Variants in NPAS3 observed in about 807,000 individuals in gnomAD.
NPAS3 encodes the protein neuronal PAS domain protein 3.
Under a neutral mutation model 73.1 loss-of-function variants are expected in NPAS3, and 14 were observed. The observed-to-expected ratio is 0.19, with a 90% CI of 0.13 to 0.30. NPAS3 has a LOEUF of 0.30. NPAS3 is among the 10% of genes least tolerant of loss of function. NPAS3 has a pLI of 1.00. For synonymous variants in NPAS3, 620 were observed against 541.5 expected (o/e 1.14, Z -2.01); for missense variants, 1,096 against 1,250.0 (o/e 0.88, Z 1.86).
At chr14:33,036,457 G>A (rs2040172263) in intron 1 of NPAS3, among the ~76,000 whole-genome samples, 1 of 152,072 alleles carries the variant, frequency 6.6e-6, no homozygotes, top group African/African-American at 2.4e-5. Flanking sequence ...GAGGGAAATG[G>A]ACACCTAAAG....
At chr14:33,348,743 A>T (rs1490364984) in intron 3 of NPAS3, among the ~76,000 whole-genome samples, 3 of 127,938 alleles carry the variant, frequency 2.3e-5, no homozygotes, top group Non-Finnish European at 4.9e-5. Flanking sequence ...TCCCGTTCAC[A>T]TCTGTGCAGT....
chr14:33,382,240 G>GA lies in NPAS3; in HGVS notation c.468+14982dup, dbSNP rs751183722. On this transcript the variant is annotated intron_variant, in intron 4 of 11. Coordinates refer to ENST00000356141, the Ensembl canonical transcript of NPAS3. ...ATAACTGCTTACAATTCATTGCATT[G>GA]AAAAAAAAAATCCAGGTTTTATTTT... 2.6e-3 allele frequency among the ~76,000 whole-genome samples: 382 copies of GA among 148,740 alleles called. 3 individuals are homozygous for GA. Among genetic ancestry groups the GA allele is most frequent in the African/African-American group, 7.2e-3 (291 of 40,544 alleles).
At chr14:33,507,022 A>AC (rs2052797849) in intron 4 of NPAS3, among the ~76,000 whole-genome samples, 2 of 151,942 alleles carry the variant, frequency 1.3e-5, no homozygotes, top group South Asian at 4.2e-4. Flanking sequence ...TTGGAAAAAA[A>AC]AAAATTGTAT....
At chr14:33,251,957 G>A (rs1414964899) in intron 3 of NPAS3, among the ~76,000 whole-genome samples, 1 of 151,698 alleles carries the variant, frequency 6.6e-6, no homozygotes. Flanking sequence ...CGTTGTCTAC[G>A]TTTACTTCTT....
At chr14:33,598,370 A>G (rs2057305901) in intron 5 of NPAS3, among the ~76,000 whole-genome samples, 1 of 152,078 alleles carries the variant, frequency 6.6e-6, no homozygotes, top group South Asian at 2.1e-4. Context: ...TTTGTACCTG[A>G]TATTTTTGGT....
At chr14:33,105,851 G>C (rs2042708494) in intron 2 of NPAS3, among the ~76,000 whole-genome samples, 1 of 152,160 alleles carries the variant, frequency 6.6e-6, no homozygotes, top group Non-Finnish European at 1.5e-5. Flanking sequence ...TTGATGGGTT[G>C]ACATGGCTGA....
chr14:33,785,432 C>CT (rs2063140250), intron 9 of NPAS3, among the ~76,000 whole-genome samples: 1 of 87,286 alleles, frequency 1.1e-5, no homozygotes, highest in African/African-American at 4.9e-5. Context: ...GAGACTCCAT[C>CT]TCAAAAAAAA....
At chr14:33,233,363 A>G (rs2047922482) in intron 3 of NPAS3, among the ~76,000 whole-genome samples, 1 of 152,178 alleles carries the variant, frequency 6.6e-6, no homozygotes, top group Non-Finnish European at 1.5e-5. Flanking sequence ...GACTGGAAGT[A>G]CTTTTAACTA....
At chr14:33,696,525 A>T in intron 6 of NPAS3, among the ~76,000 whole-genome samples, 1 of 152,186 alleles carries the variant, frequency 6.6e-6, no homozygotes, top group East Asian at 1.9e-4. Flanking sequence ...ATAGTGCAGC[A>T]TTATTCTTTG....
chr14:33,740,293 T>A (rs2061624248), intron 7 of NPAS3, among the ~76,000 whole-genome samples: 1 of 152,234 alleles, frequency 6.6e-6, no homozygotes, highest in African/African-American at 2.4e-5. Context: ...TAAAGTCAGA[T>A]AAATGGTAAA....
At chr14:33,303,167 T>G (rs956850971) in intron 3 of NPAS3, among the ~76,000 whole-genome samples, 1 of 152,114 alleles carries the variant, frequency 6.6e-6, no homozygotes, top group African/African-American at 2.4e-5. Flanking sequence ...GAAAATAGTG[T>G]GGTAAAATTT....
Position 33,147,730 on chromosome 14 carries a change from A to AAAAAATATATATATATATAT in NPAS3, c.141-67451_141-67450insAAAATATATATATATATATA, listed in dbSNP as rs372663411. 9.2e-4 allele frequency among the ~76,000 whole-genome samples: 120 copies of AAAAAATATATATATATATAT among 130,298 alleles called. 1 individual carries two copies. The highest frequency in any genetic ancestry group is 3.7e-3 in the African/African-American group (114 of 30,852). The allele number at this position is 130,298 out of a possible 152,430, so 85.5% of individuals were successfully genotyped here. The stretch of plus-strand genomic sequence containing the variant: ...CCCTAGAACTTAAAGTAGAATAAAA[A>AAAAAATATATATATATATAT]ATATATATATATATATATATATATA... On this transcript the variant is annotated intron_variant, in intron 2 of 11. Coordinates refer to ENST00000356141, the Ensembl canonical transcript of NPAS3.
At chr14:32,987,997 T>C (rs1361817244) in intron 1 of NPAS3, among the ~76,000 whole-genome samples, 1 of 152,176 alleles carries the variant, frequency 6.6e-6, no homozygotes, top group Non-Finnish European at 1.5e-5. Context: ...ATTATTGTTA[T>C]TAATTTCCCC....
intron 4 of NPAS3, among the ~76,000 whole-genome samples, chr14:33,393,845 G>A (rs554464406): frequency 6.6e-6 from 1 of 152,256 alleles, no homozygotes; most frequent in South Asian, 2.1e-4. Context: ...TGCTCCTATG[G>A]AAACCTCACT....
chr14:33,792,200 C>G (rs2063377587), intron 9 of NPAS3, among the ~76,000 whole-genome samples: 1 of 152,028 alleles, frequency 6.6e-6, no homozygotes, highest in African/African-American at 2.4e-5. Context: ...CAATTGCCTA[C>G]AAAAGGAGAG....
chr14:33,310,297 G>A lies in NPAS3; in HGVS notation c.386-56889G>A, dbSNP rs1246732814. On this transcript the variant is annotated intron_variant, in intron 3 of 11. Transcript: ENST00000356141. The stretch of plus-strand genomic sequence containing the variant: ...GTAGCCTCAAACTGTAAAATGCATA[G>A]CATCTGAAAAAAAAAAAGTATAGCT... Among the ~76,000 whole-genome samples the A allele has an allele frequency of 1.2e-4, 17 of 137,786 alleles. No homozygotes were observed. The East Asian group carries it at 3.7e-3, about 30-fold the overall frequency. The allele number at this position is 137,786 out of a possible 152,430, so 90.4% of individuals were successfully genotyped here.
At chr14:33,311,935 GAT>G (rs1309223427) in intron 3 of NPAS3, among the ~76,000 whole-genome samples, 1 of 152,062 alleles carries the variant, frequency 6.6e-6, no homozygotes, top group Non-Finnish European at 1.5e-5. Context: ...AAATAGGCAT[GAT>G]ATGTTTTGGA....
intron 6 of NPAS3, among the ~76,000 whole-genome samples, chr14:33,688,103 C>T (rs115854914): frequency 8.4e-4 from 128 of 152,262 alleles, no homozygotes; most frequent in African/African-American, 2.8e-3. Context: ...ATTTTAGGTT[C>T]AGAGGGTACA....
At chr14:33,518,929 C>T (rs976529684) in intron 4 of NPAS3, among the ~76,000 whole-genome samples, 4 of 152,086 alleles carry the variant, frequency 2.6e-5, no homozygotes, top group African/African-American at 9.7e-5. Flanking sequence ...TCTTGATAAA[C>T]ATTTTTAATA....
Sources: gnomAD v4.1 joint callset for allele counts (sites outside exome capture counted in the v4.1 genomes callset) on GRCh38, gnomAD v4.1.1 for gene constraint, MANE v1.5 for transcripts, NCBI Gene and HGNC (gene_info 2026-07-23, HGNC 2026-07-21) for gene names.